The following USP24 variants were observed in gnomAD, a reference collection of about 807,000 sequenced individuals.
USP24 encodes the protein ubiquitin specific peptidase 24, also known as ubiquitin carboxyl-terminal hydrolase 24.
USP24 carries 97 observed loss-of-function variants against 361.6 expected under a neutral mutation model. That is an observed-to-expected ratio of 0.27 (90% CI 0.23 to 0.32). USP24 has a LOEUF of 0.32. Among genes scored for constraint, USP24 ranks in the 10% least tolerant of loss-of-function variants. The probability of loss-of-function intolerance (pLI) is 1.00; values close to 1 mark genes in which losing one functional copy is unlikely to be tolerated. For synonymous variants in USP24, 1,098 were observed against 1,124.6 expected (o/e 0.98, Z 0.47); for missense variants, 2,353 against 3,165.6 (o/e 0.74, Z 6.16).
intron 7 of USP24, among the ~76,000 whole-genome samples, chr1:55,163,004 A>G (rs531855250): frequency 6.6e-6 from 1 of 152,230 alleles, no homozygotes; most frequent in Admixed American, 6.5e-5. Flanking sequence ...CGGGCCTTTG[A>G]TATTATTAAG....
Position 55,154,185 on chromosome 1 carries a change from A to T in USP24, c.1746T>A (p.Asp582Glu). Residue 582 changes from aspartate to glutamate, a missense_variant, in exon 15 of 68, where the codon GAT becomes GAA. Asp to Glu is a conservative substitution (Grantham distance 45). Transcript: ENST00000294383. ...ALEEHLTILS[D>E]AYAVKEAIKR... ...TGATTGCTTCTTTCACTGCATATGC[A>T]TCACTAAGGATTGTCAGGTGCTCCT... 1 of 1,613,640 alleles carries T rather than the reference A, an allele frequency of 6.2e-7. No homozygotes were observed. Among genetic ancestry groups the T allele is most frequent in the Non-Finnish European group, 8.5e-7 (1 of 1,179,716 alleles).
At chr1:55,118,798 T>C (rs979239160) in intron 38 of USP24, among the ~76,000 whole-genome samples, 3 of 152,206 alleles carry the variant, frequency 2.0e-5, no homozygotes, top group African/African-American at 7.2e-5. Context: ...ATGCACATGA[T>C]GAGACGCTCA....
At chr1:55,122,896 A>G (rs1208857546) in intron 36 of USP24, among the ~76,000 whole-genome samples, 1 of 152,108 alleles carries the variant, frequency 6.6e-6, no homozygotes, top group Non-Finnish European at 1.5e-5. Flanking sequence ...CAGGCCATAG[A>G]CCCAAATTTA....
intron 24 of USP24, among the ~76,000 whole-genome samples, chr1:55,139,217 G>A (rs944268339): frequency 2.0e-5 from 3 of 152,186 alleles, no homozygotes; most frequent in African/African-American, 2.4e-5. Flanking sequence ...TAAGGGAGAA[G>A]CCTATACCTC....
At chr1:55,193,952 T>C (rs971291991) in intron 1 of USP24, among the ~76,000 whole-genome samples, 15 of 152,182 alleles carry the variant, frequency 9.9e-5, no homozygotes, top group Non-Finnish European at 2.1e-4. Flanking sequence ...TCTCAGGCTC[T>C]AGATTAAGCA....
At chr1:55,175,176 G>A (rs766173083) in intron 3 of USP24, among the ~76,000 whole-genome samples, 2 of 150,056 alleles carry the variant, frequency 1.3e-5, no homozygotes, top group Non-Finnish European at 3.0e-5. Flanking sequence ...AAATGCAACT[G>A]GGAATAACTA....
rs1646284619 is a variant in USP24, at chr1:55,121,644, T to C, written c.4277-138A>G. ...ACAATAATTCAGGACCTTTTACAAT[T>C]GCTTTCATGCCTGTCCATTTACCCC... On this transcript the variant is annotated intron_variant, in intron 36 of 67. Transcript: ENST00000294383. 6 of 665,932 alleles carry C rather than the reference T, an allele frequency of 9.0e-6. No individual in the cohort carries two copies. In the Admixed American group the frequency reaches 1.9e-4, roughly 21 times the overall value. 41.3% of individuals were successfully genotyped at this position (665,932 alleles called of 1,614,324 possible). A position where few individuals can be genotyped will look rare whatever the true frequency, so the allele number is the denominator to read the frequency against.
chr1:55,077,066 G>A (rs1159139348), intron 62 of USP24, among the ~76,000 whole-genome samples, 169 bp downstream of exon 62: 1 of 152,038 alleles, frequency 6.6e-6, no homozygotes, highest in African/African-American at 2.4e-5. Flanking sequence ...ATTACTGCTC[G>A]CCTCTAAACC....
chr1:55,159,650 C>T lies in USP24; in HGVS notation c.1029G>A (p.Gln343=), dbSNP rs981110278. 1 of 1,562,630 alleles carries T rather than the reference C, an allele frequency of 6.4e-7. No homozygotes were observed. The highest frequency in any genetic ancestry group is 1.4e-5 in the African/African-American group (1 of 73,934). ...MLDPVILTTI[Q]DVRSVEEKDL... ...CTTTCTCTTCTACACTCCGTACATC[C>T]TGGATTGTAGTAAGAATGACTGGGT... The change falls in exon 9 of 68, where the codon CAG becomes CAA. Residue 343 remains glutamine (Q), a synonymous_variant. Transcript: ENST00000294383.
Position 55,178,033 on chromosome 1 carries a change from T to C in USP24, c.424A>G (p.Ile142Val). The C allele has an allele frequency of 6.4e-7, 1 of 1,551,666 alleles. No individual in the cohort carries two copies. The highest frequency in any genetic ancestry group is 8.7e-7 in the Non-Finnish European group (1 of 1,146,944). ...ESRVLTDHWS[I>V]PYKREESLGK... ...AGTGATTCTTCTCGCTTGTAAGGGA[T>C]GGACCAATGATCAGTCAAAACACGG... Residue 142 changes from isoleucine to valine, a missense_variant, in exon 2 of 68, where the codon ATC becomes GTC. By Grantham distance (29) the Ile-to-Val change is conservative. Around this residue, in one of 8 missense-constraint regions of USP24, gnomAD observed 253 missense variants for 255.3 expected, o/e 0.99. Coordinates refer to ENST00000294383, the MANE Select transcript of USP24 (RefSeq NM_015306.3).
chr1:55,214,886 A>G lies in USP24; in HGVS notation c.228T>C (p.Gly76=). ...GGGAGGGGCCGCCGCCGCCGCCGTC[A>G]CCTCCGCCGTCGCCCCGCGGGCCCC... ...PGGGPRGDGG[G]DGGGGGPSRG... The change falls in exon 1 of 68, where the codon GGT becomes GGC. Residue 76 remains glycine (G), a synonymous_variant. Transcript: ENST00000294383. The G allele has an allele frequency of 8.1e-7, 1 of 1,228,756 alleles. No individual in the cohort carries two copies. 76.1% of individuals were successfully genotyped at this position (1,228,756 alleles called of 1,614,324 possible). A position where few individuals can be genotyped will look rare whatever the true frequency, so the allele number is the denominator to read the frequency against.
intron 39 of USP24, among the ~76,000 whole-genome samples, chr1:55,108,492 C>T (rs1206295172): frequency 6.6e-6 from 1 of 152,134 alleles, no homozygotes; most frequent in Non-Finnish European, 1.5e-5. Context: ...ACCTTGTTTC[C>T]TTATTTATGC....
At chr1:55,077,369 G>T in intron 61 of USP24, 69 bp from the exon 62 acceptor site, 1 of 1,404,804 alleles carries the variant, frequency 7.1e-7, no homozygotes, top group Non-Finnish European at 9.7e-7. Flanking sequence ...AACAATGCTG[G>T]ATCCACGTTC....
chr1:55,180,288 C>T (rs996122976), intron 1 of USP24, among the ~76,000 whole-genome samples: 10 of 152,282 alleles, frequency 6.6e-5, no homozygotes, highest in African/African-American at 2.4e-4. Flanking sequence ...AAGCCTAGGT[C>T]ATGAAAGGCA....
intron 9 of USP24, 108 bp downstream of exon 9, chr1:55,159,503 C>T: frequency 1.1e-6 from 1 of 891,456 alleles, no homozygotes; most frequent in African/African-American, 1.7e-5. Flanking sequence ...GATGTGAATG[C>T]ATGTGACCAG....
At chr1:55,204,238 A>T (rs1291398302) in intron 1 of USP24, among the ~76,000 whole-genome samples, 1 of 152,194 alleles carries the variant, frequency 6.6e-6, no homozygotes, top group Non-Finnish European at 1.5e-5. Flanking sequence ...TTTATTATCA[A>T]CAATCATTAA....
chr1:55,213,746 TTTTC>T (rs1644907320), intron 1 of USP24, among the ~76,000 whole-genome samples: 1 of 152,146 alleles, frequency 6.6e-6, no homozygotes, highest in Non-Finnish European at 1.5e-5. Context: ...GGTCGATCTT[TTTTC>T]TTTATTATAG....
Position 55,068,403 on chromosome 1 carries a change from A to G in USP24, c.*642T>C, listed in dbSNP as rs1644857127. ...ATCTTCAAGAGCTTAGTATTTCCCA[A>G]TTTTTGATCCTGATCCTGGTAACCT... On this transcript the variant is annotated 3_prime_UTR_variant, in exon 68 of 68. Coordinates refer to ENST00000294383, the MANE Select transcript of USP24 (RefSeq NM_015306.3). 6.6e-6 allele frequency: 1 copy of G among 152,180 alleles called. No homozygotes were observed. Among genetic ancestry groups the G allele is most frequent in the African/African-American group, 2.4e-5 (1 of 41,432 alleles). The allele number at this position is 152,180 out of a possible 1,614,324, so 9.4% of individuals were successfully genotyped here. A position where few individuals can be genotyped will look rare whatever the true frequency, so the allele number is the denominator to read the frequency against.
chr1:55,090,293 C>T (rs900627379), intron 54 of USP24, among the ~76,000 whole-genome samples: 3 of 152,086 alleles, frequency 2.0e-5, no homozygotes, highest in African/African-American at 7.2e-5. Flanking sequence ...TGTAAAATGG[C>T]CATATAAACA....
Sources: gnomAD v4.1 joint callset for allele counts (sites outside exome capture counted in the v4.1 genomes callset) on GRCh38, gnomAD v4.1.1 for gene constraint, gnomAD v4.1.1 regional missense constraint, MANE v1.5 for transcripts, NCBI Gene and HGNC (gene_info 2026-07-23, HGNC 2026-07-21) for gene names.